The following SYNE1 variants were observed in gnomAD, a reference collection of about 807,000 sequenced individuals.
The protein encoded by SYNE1 is nesprin-1.
SYNE1 carries 616 observed loss-of-function variants against 1,111.0 expected under a neutral mutation model. The ratio of observed to expected loss-of-function variants is 0.55; its 90% CI spans 0.52 to 0.59. The LOEUF is 0.59. SYNE1 is among the 20% of genes least tolerant of loss of function. SYNE1 has a pLI of 0.00. For synonymous variants in SYNE1, 3,855 were observed against 3,825.8 expected (o/e 1.01, Z -0.28); for missense variants, 10,006 against 10,417.0 (o/e 0.96, Z 1.72).
At chr6:152,201,765 C>G (rs576163315) in intron 127 of SYNE1, 59 bp downstream of exon 127, 2 of 1,613,072 alleles carry the variant, frequency 1.2e-6, no homozygotes, top group South Asian at 2.2e-5. Flanking sequence ...ATTATGGCCC[C>G]AAAGACATTC....
chr6:152,635,708 G>A (rs1197656932), intron 2 of SYNE1, among the ~76,000 whole-genome samples: 1 of 152,298 alleles, frequency 6.6e-6, no homozygotes, highest in Middle Eastern at 3.4e-3. Flanking sequence ...CATTAAAGAA[G>A]AGAAAAATAA....
chr6:152,501,978 C>T (rs1021367874), intron 10 of SYNE1, among the ~76,000 whole-genome samples: 1 of 152,058 alleles, frequency 6.6e-6, no homozygotes, highest in African/African-American at 2.4e-5. Flanking sequence ...ATATATAATA[C>T]AAATGTTGGG....
At chr6:152,608,905 C>T (rs973292128) in intron 3 of SYNE1, among the ~76,000 whole-genome samples, 9 of 151,852 alleles carry the variant, frequency 5.9e-5, no homozygotes, top group Non-Finnish European at 1.0e-4. Context: ...TGCACTCCAG[C>T]GTGGTGACAG....
At chr6:152,200,585 G>T (rs2075216346) in intron 127 of SYNE1, among the ~76,000 whole-genome samples, 1 of 152,026 alleles carries the variant, frequency 6.6e-6, no homozygotes, top group South Asian at 2.1e-4. Flanking sequence ...CTTTAGATAT[G>T]GAGTCTTGCC....
intron 18 of SYNE1, 57 bp from the exon 19 acceptor site, chr6:152,463,574 T>A: frequency 7.1e-7 from 1 of 1,411,606 alleles, no homozygotes; most frequent in South Asian, 1.2e-5. Context: ...CAGTGACTGA[T>A]ATGAAAGTGA....
At chr6:152,189,177 T>C in intron 128 of SYNE1, 75 bp downstream of exon 128, 2 of 1,539,862 alleles carry the variant, frequency 1.3e-6, no homozygotes, top group Non-Finnish European at 1.8e-6. Flanking sequence ...ACATGTGGGT[T>C]AACCCATCTG....
intron 9 of SYNE1, among the ~76,000 whole-genome samples, chr6:152,504,787 A>G (rs2099048903): frequency 6.6e-6 from 1 of 152,248 alleles, no homozygotes; most frequent in African/African-American, 2.4e-5. Context: ...ACATTTGTGA[A>G]GTTTGCTGAT....
chr6:152,124,527 G>T (rs2052635176), intron 145 of SYNE1, among the ~76,000 whole-genome samples: 1 of 152,138 alleles, frequency 6.6e-6, no homozygotes, highest in Admixed American at 6.5e-5. Flanking sequence ...AATTAGCATA[G>T]ATGGTCTTCT....
intron 93 of SYNE1, among the ~76,000 whole-genome samples, chr6:152,298,196 C>T (rs114513270): frequency 1.2e-4 from 19 of 152,328 alleles, no homozygotes; most frequent in African/African-American, 4.6e-4. Context: ...AGTAGTATTG[C>T]TTCTCACTTA....
intron 14 of SYNE1, among the ~76,000 whole-genome samples, chr6:152,482,839 T>C (rs1021186098): frequency 6.6e-6 from 1 of 151,996 alleles, no homozygotes; most frequent in South Asian, 2.1e-4. Context: ...ATAACAAAGA[T>C]AGCTGCAGAT....
chr6:152,321,907 T>C, intron 82 of SYNE1, 21 bp from the exon 83 acceptor site: 1 of 1,614,006 alleles, frequency 6.2e-7, no homozygotes. Flanking sequence ...ATTACAGGGA[T>C]AAAACAGAAG....
chr6:152,613,322 T>A lies in SYNE1; in HGVS notation c.67+14943A>T, dbSNP rs971647606. Among the ~76,000 whole-genome samples the A allele has an allele frequency of 2.0e-5, 3 of 152,190 alleles. No individual in the cohort carries two copies. In the South Asian group the frequency reaches 6.2e-4, roughly 31 times the overall value. On this transcript the variant is annotated intron_variant, in intron 3 of 145. Transcript: ENST00000367255. ...GAGTCTCAGGATTACAAAATCAATG[T>A]GCAAAAGTCACAAGCATTCCTATAA... is the stretch of plus-strand genomic sequence containing the variant.
intron 41 of SYNE1, among the ~76,000 whole-genome samples, chr6:152,414,819 C>G (rs1040317638): frequency 2.7e-5 from 4 of 145,712 alleles, no homozygotes; most frequent in Non-Finnish European, 6.1e-5. Flanking sequence ...TGCTGGCATC[C>G]AGGGTGAGTG....
intron 59 of SYNE1, among the ~76,000 whole-genome samples, chr6:152,371,676 G>A (rs1198832782): frequency 1.2e-5 from 1 of 83,106 alleles, no homozygotes; most frequent in East Asian, 4.0e-4. Flanking sequence ...AGAGAGGGGA[G>A]GGGAAGGGGG....
Position 152,321,947 on chromosome 6 carries a change from C to T in SYNE1, c.15918-61G>A, listed in dbSNP as rs2095877537. The stretch of plus-strand genomic sequence containing the variant: ...GTGAAAGGAACCCCCTAATACTTGG[C>T]AACATTTTATCCAATACATATATAG... On this transcript the variant is annotated intron_variant, in intron 82 of 145. Coordinates refer to ENST00000367255, the MANE Select transcript of SYNE1 (RefSeq NM_182961.4). 1.9e-6 allele frequency: 3 copies of T among 1,591,200 alleles called. No homozygotes were observed. In the Admixed American group the frequency reaches 5.0e-5, roughly 27 times the overall value.
At position 152,316,505 on chromosome 6, in the gene SYNE1, C is replaced by T. The variant is rs1048854667; in HGVS notation, c.16710+344G>A. ...GAGTGTGGAGTCTAGAATCTTTCCA[C>T]ACTTCATTGCATCTCTTCACAGGAA... On this transcript the variant is annotated intron_variant, in intron 87 of 145. Transcript: ENST00000367255. 1.8e-5 allele frequency: 6 copies of T among 327,374 alleles called. No homozygotes were observed. The Admixed American group carries it at 2.3e-4, about 13-fold the overall frequency. The allele number at this position is 327,374 out of a possible 1,614,324, so 20.3% of individuals were successfully genotyped here.
At chr6:152,387,873 G>GAC (rs146726486) in intron 53 of SYNE1, among the ~76,000 whole-genome samples, 3,314 of 150,916 alleles carry the variant, frequency 0.022, 39 homozygotes, top group Middle Eastern at 0.034. Context: ...TTCATTTGGG[G>GAC]ACACACACAC....
chr6:152,412,297 A>G (rs969027893), intron 42 of SYNE1, among the ~76,000 whole-genome samples: 88 of 151,980 alleles, frequency 5.8e-4, no homozygotes, highest in African/African-American at 1.9e-3. Flanking sequence ...GGTGGCGGGC[A>G]CCTGCTATCC....
At chr6:152,454,871 C>A (rs999463945) in intron 24 of SYNE1, among the ~76,000 whole-genome samples, 1 of 152,158 alleles carries the variant, frequency 6.6e-6, no homozygotes, top group African/African-American at 2.4e-5. Context: ...TACATGTTCT[C>A]AGAGTGCTGG....
Sources: gnomAD v4.1 joint callset for allele counts (sites outside exome capture counted in the v4.1 genomes callset) on GRCh38, gnomAD v4.1.1 for gene constraint, MANE v1.5 for transcripts, NCBI Gene and HGNC (gene_info 2026-07-23, HGNC 2026-07-21) for gene names.